TNR: variants seen among roughly 807,000 people sequenced by gnomAD.
TNR encodes tenascin R.
In TNR, 45 loss-of-function variants were observed where a neutral mutation model predicts 150.4. The ratio of observed to expected loss-of-function variants is 0.30; its 90% confidence interval spans 0.24 to 0.38. TNR has a LOEUF of 0.38. Among genes scored for constraint, TNR ranks in the 10% least tolerant of loss-of-function variants. TNR has a pLI of 1.00. For synonymous variants in TNR, 687 were observed against 678.4 expected (o/e 1.01, Z -0.20); for missense variants, 1,544 against 1,759.1 (o/e 0.88, Z 2.19).
chr1:175,609,643 C>CA (rs1238982136), intron 1 of TNR, among the ~76,000 whole-genome samples: 9 of 152,306 alleles, frequency 5.9e-5, no homozygotes, highest in African/African-American at 2.2e-4. Flanking sequence ...GACAAGCTGT[C>CA]ATTGGCCATG....
intron 12 of TNR, among the ~76,000 whole-genome samples, chr1:175,364,445 C>T (rs1651745156): frequency 1.3e-5 from 2 of 151,902 alleles, no homozygotes; most frequent in Admixed American, 6.6e-5. Context: ...TACATATCTT[C>T]ACCCACATGT....
chr1:175,635,120 A>G (rs570993697), intron 1 of TNR, among the ~76,000 whole-genome samples: 24 of 152,308 alleles, frequency 1.6e-4, no homozygotes, highest in African/African-American at 5.8e-4. Flanking sequence ...CCATCCTCAC[A>G]TACACCCAGA....
chr1:175,361,037 A>G (rs943589372), intron 14 of TNR, among the ~76,000 whole-genome samples: 1 of 152,318 alleles, frequency 6.6e-6, no homozygotes, highest in East Asian at 1.9e-4. Context: ...TCTGCTTTAG[A>G]GATACTAGCT....
intron 1 of TNR, among the ~76,000 whole-genome samples, chr1:175,695,797 A>G (rs980685578): frequency 6.6e-6 from 1 of 152,070 alleles, no homozygotes; most frequent in African/African-American, 2.4e-5. Context: ...GTTCATTATT[A>G]TTTGTTCATT....
At position 175,518,046 on chromosome 1, in the gene TNR, G is replaced by GTAAA. The variant is rs371075885; in HGVS notation, c.-64+10219_-64+10222dup. On this transcript the variant is annotated intron_variant, in intron 2 of 22. Transcript: ENST00000367674. ...CTTAGGAGGAGTGTTGATGGTTTAAGTAAATAAATAAATAAATAAATATCC... is the reference window on the plus strand; with the variant it reads ...CTTAGGAGGAGTGTTGATGGTTTAAGTAAATAAATAAATAAATAAATAAATATCC... Among the ~76,000 whole-genome samples, 772 of 152,148 alleles carry GTAAA rather than the reference G, an allele frequency of 5.1e-3. 3 individuals are homozygous for GTAAA. The highest frequency in any genetic ancestry group is 0.048 in the Middle Eastern group (14 of 294).
chr1:175,613,623 G>A (rs995085319), intron 1 of TNR, among the ~76,000 whole-genome samples: 2 of 152,106 alleles, frequency 1.3e-5, no homozygotes, highest in Admixed American at 1.3e-4. Context: ...TTCCCTTGGT[G>A]CTGTGGGTGT....
chr1:175,356,193 A>G (rs1301247988), intron 16 of TNR, 126 bp downstream of exon 16: 1 of 1,352,326 alleles, frequency 7.4e-7, no homozygotes, highest in Non-Finnish European at 1.0e-6. Flanking sequence ...TAGTCAGTCC[A>G]AATAAGAACA....
chr1:175,376,270 G>A lies in TNR; in HGVS notation c.1963+3282C>T, dbSNP rs575919504. 4.6e-5 allele frequency among the ~76,000 whole-genome samples: 7 copies of A among 152,246 alleles called. No individual in the cohort carries two copies. The South Asian group carries it at 8.3e-4, about 18-fold the overall frequency. ...GCTCACAGACCTCCTCATCTCTTTCGTCTTCACCACTGTCATCCACTTACT... is the reference window on the plus strand; with the variant it reads ...GCTCACAGACCTCCTCATCTCTTTCATCTTCACCACTGTCATCCACTTACT... On this transcript the variant is annotated intron_variant, in intron 9 of 22. Coordinates refer to ENST00000367674, the MANE Select transcript of TNR (RefSeq NM_003285.3).
At position 175,319,242 on chromosome 1, in the gene TNR, T is replaced by G. The variant is rs779886905; in HGVS notation, c.*4115A>C. The stretch of plus-strand genomic sequence containing the variant: ...TCCCTAGGGTATTTGCAAATCCAGG[T>G]CACCAGCTAGTCTATTTCAACACCC... On this transcript the variant is annotated 3_prime_UTR_variant, in exon 23 of 23. Transcript: ENST00000367674. 5.9e-5 allele frequency: 9 copies of G among 152,314 alleles called. No individual in the cohort carries two copies. Among genetic ancestry groups the G allele is most frequent in the South Asian group, 2.1e-4 (1 of 4,828 alleles). 9.4% of individuals were successfully genotyped at this position (152,314 alleles called of 1,614,324 possible).
intron 1 of TNR, among the ~76,000 whole-genome samples, chr1:175,574,460 T>C (rs1029556124): frequency 3.9e-5 from 6 of 152,110 alleles, no homozygotes; most frequent in African/African-American, 1.4e-4. Flanking sequence ...CTCAGGTCTT[T>C]CCCTCCAATC....
In TNR at chr1:175,372,048, AGTG is replaced by A. The variant is rs570075843; in HGVS notation, c.1964-4754_1964-4752del. The stretch of plus-strand genomic sequence containing the variant: ...GCTTGGAGCTGTCCTCCAGATAGTG[AGTG>A]AGTTCTCGTGAGATCTGGTTGTTTA... On this transcript the variant is annotated intron_variant, in intron 9 of 22. Coordinates refer to ENST00000367674, the MANE Select transcript of TNR (RefSeq NM_003285.3). 2.3e-3 allele frequency among the ~76,000 whole-genome samples: 355 copies of A among 152,140 alleles called. 3 individuals are homozygous for A. The highest frequency in any genetic ancestry group is 8.4e-3 in the African/African-American group (348 of 41,500).
intron 2 of TNR, among the ~76,000 whole-genome samples, chr1:175,483,908 G>C (rs754189691): frequency 4.6e-5 from 7 of 152,128 alleles, no homozygotes; most frequent in Admixed American, 2.0e-4. Context: ...ACACACACAT[G>C]ACTGTCTTGG....
At chr1:175,622,073 T>G (rs1047704661) in intron 1 of TNR, among the ~76,000 whole-genome samples, 3 of 152,108 alleles carry the variant, frequency 2.0e-5, no homozygotes, top group Non-Finnish European at 2.9e-5. Flanking sequence ...CTAAGCAGAG[T>G]GCTTTGTACA....
chr1:175,550,830 G>T (rs1660910425), intron 1 of TNR, among the ~76,000 whole-genome samples: 1 of 151,512 alleles, frequency 6.6e-6, no homozygotes, highest in Non-Finnish European at 1.5e-5. Flanking sequence ...AACAAAATAG[G>T]ATCCTACTTA....
chr1:175,508,351 G>A (rs1470532677), intron 2 of TNR, among the ~76,000 whole-genome samples: 1 of 152,188 alleles, frequency 6.6e-6, no homozygotes, highest in Non-Finnish European at 1.5e-5. Flanking sequence ...GGTTGCTGTG[G>A]TGAGCAGCCT....
intron 2 of TNR, among the ~76,000 whole-genome samples, chr1:175,435,208 C>G (rs935442085): frequency 3.0e-4 from 45 of 151,912 alleles, no homozygotes; most frequent in African/African-American, 1.1e-3. Flanking sequence ...CCAGTTAGGA[C>G]GGGGGTGAGA....
Position 175,379,635 on chromosome 1 carries a change from A to T in TNR, c.1880T>A (p.Val627Glu), listed in dbSNP as rs1652581134. Residue 627 changes from valine to glutamate, a missense_variant, in exon 9 of 23, where the codon GTG (valine) becomes GAG (glutamate). By Grantham distance (121) the Val-to-Glu change is moderately radical. Transcript: ENST00000367674. ...SEAEVQEYKV[V>E]YSTLAGEQYH... is the part of the protein sequence containing the mutation. The stretch of plus-strand genomic sequence containing the variant: ...TTGCTCACCCGCCAGGGTGCTGTAC[A>T]CAACCTTGTACTCCTGAACTTCGGC... The T allele has an allele frequency of 6.2e-7, 1 of 1,614,064 alleles. No individual in the cohort carries two copies. Among genetic ancestry groups the T allele is most frequent in the Admixed American group, 1.7e-5 (1 of 60,012 alleles).
At chr1:175,485,132 G>A (rs75735112) in intron 2 of TNR, among the ~76,000 whole-genome samples, 2,070 of 152,234 alleles carry the variant, frequency 0.014, 48 homozygotes, top group African/African-American at 0.048. Context: ...ATGAAAATGT[G>A]TCTGAATAAA....
intron 2 of TNR, among the ~76,000 whole-genome samples, chr1:175,451,445 C>T (rs1477781503): frequency 1.4e-5 from 2 of 142,360 alleles, no homozygotes; most frequent in Non-Finnish European, 3.0e-5. Flanking sequence ...TGTAAGGCAC[C>T]TGGTTAGTAA....
Sources: gnomAD v4.1 joint callset for allele counts (sites outside exome capture counted in the v4.1 genomes callset) on GRCh38, gnomAD v4.1.1 for gene constraint, MANE v1.5 for transcripts, NCBI Gene and HGNC (gene_info 2026-07-23, HGNC 2026-07-21) for gene names.